Variants in GRID1 observed in about 807,000 individuals in gnomAD.
GRID1 encodes the protein glutamate receptor ionotropic, delta-1.
GRID1 carries 28 observed loss-of-function variants against 98.0 expected under a neutral mutation model. That is an observed-to-expected ratio of 0.29 (90% CI 0.21 to 0.39). The LOEUF is 0.39. Ranked by LOEUF, GRID1 falls within the 10% of genes least tolerant of loss-of-function variation. The pLI, the probability that GRID1 is intolerant of heterozygous loss-of-function variation, is 1.00. For synonymous variants in GRID1, 553 were observed against 538.5 expected (o/e 1.03, Z -0.37); for missense variants, 1,111 against 1,340.5 (o/e 0.83, Z 2.67).
chr10:86,199,732 C>A (rs1589407881), intron 3 of GRID1, among the ~76,000 whole-genome samples: 1 of 152,248 alleles, frequency 6.6e-6, no homozygotes, highest in Admixed American at 6.5e-5. Flanking sequence ...CGGGTCCTAC[C>A]TCTAGCTTAG....
chr10:85,605,924 GA>G (rs1441472637), intron 15 of GRID1: 1 of 152,230 alleles, frequency 6.6e-6, no homozygotes, highest in Admixed American at 6.5e-5. Flanking sequence ...GTAAGTGAGG[GA>G]AGTCTCTGAG....
rs751866615 is a variant in GRID1, at chr10:86,007,822, T to TTTA, written c.727-91584_727-91583insTAA. Among the ~76,000 whole-genome samples, 1,434 of 148,852 alleles carry TTTA rather than the reference T, an allele frequency of 9.6e-3. 16 individuals carry two copies. The highest frequency in any genetic ancestry group is 0.024 in the South Asian group (111 of 4,698). On this transcript the variant is annotated intron_variant, in intron 4 of 15. Transcript: ENST00000327946. ...TTTGTTTTTTTTGTTTTTTGTGTTTTTTTATTTATTTATTTATTTATTTAT... is the reference window on the plus strand; with the variant it reads ...TTTGTTTTTTTTGTTTTTTGTGTTTTTTATTTATTTATTTATTTATTTATTTAT...
At chr10:86,246,712 C>A (rs1564717747) in intron 2 of GRID1, among the ~76,000 whole-genome samples, 1 of 152,172 alleles carries the variant, frequency 6.6e-6, no homozygotes, top group Admixed American at 6.5e-5. Flanking sequence ...TCCTGACAAC[C>A]CTGCCACCCA....
At chr10:85,705,396 A>T (rs1256505810) in intron 12 of GRID1, among the ~76,000 whole-genome samples, 3 of 152,344 alleles carry the variant, frequency 2.0e-5, no homozygotes, top group East Asian at 1.9e-4. Context: ...CACTCTCCCA[A>T]GACTAAACCA....
chr10:85,945,665 C>CA (rs1366824259), intron 4 of GRID1, among the ~76,000 whole-genome samples: 1 of 152,198 alleles, frequency 6.6e-6, no homozygotes, highest in Non-Finnish European at 1.5e-5. Context: ...AAAGTTCCTA[C>CA]ACATGGGCTA....
At chr10:85,865,906 T>C in intron 6 of GRID1, among the ~76,000 whole-genome samples, 1 of 76,714 alleles carries the variant, frequency 1.3e-5, no homozygotes, top group Admixed American at 1.8e-4. Context: ...GTGTTTTACA[T>C]ATATACATAT....
Position 86,288,186 on chromosome 10 carries a change from C to T in GRID1, c.235+75755G>A, listed in dbSNP as rs76056148. Among the ~76,000 whole-genome samples, 655 of 152,336 alleles carry T rather than the reference C, an allele frequency of 4.3e-3. 5 individuals carry two copies. The highest frequency in any genetic ancestry group is 0.015 in the African/African-American group (623 of 41,584). On this transcript the variant is annotated intron_variant, in intron 2 of 15. Coordinates refer to ENST00000327946, the MANE Select transcript of GRID1 (RefSeq NM_017551.3). ...CCACAAGTCAGGATCTCACTGGCCA[C>T]GAACCTGTTCACCTGCGAGAGCAGA...
chr10:86,318,329 C>T (rs905136628), intron 2 of GRID1, among the ~76,000 whole-genome samples: 5 of 152,250 alleles, frequency 3.3e-5, no homozygotes, highest in African/African-American at 1.2e-4. Flanking sequence ...CAGACCTAGT[C>T]ATGGCCACTG....
At chr10:86,118,329 G>T (rs376486709) in intron 4 of GRID1, among the ~76,000 whole-genome samples, 3 of 151,998 alleles carry the variant, frequency 2.0e-5, no homozygotes, top group Admixed American at 2.0e-4. Context: ...TTGGAGACTC[G>T]GGGGAAAGGG....
chr10:86,237,643 T>C (rs1405435960), intron 2 of GRID1, among the ~76,000 whole-genome samples: 2 of 149,132 alleles, frequency 1.3e-5, no homozygotes, highest in African/African-American at 5.0e-5. Context: ...GAGCTTGCAG[T>C]GAGCCAAGAT....
At chr10:85,920,863 C>T (rs1317328105) in intron 4 of GRID1, among the ~76,000 whole-genome samples, 1 of 152,180 alleles carries the variant, frequency 6.6e-6, no homozygotes, top group African/African-American at 2.4e-5. Flanking sequence ...TGAAGCTAGA[C>T]ACTGTGGCTG....
At chr10:85,877,875 A>T (rs1220885596) in intron 5 of GRID1, among the ~76,000 whole-genome samples, 1 of 152,220 alleles carries the variant, frequency 6.6e-6, no homozygotes, top group Non-Finnish European at 1.5e-5. Context: ...AACTTCAAAA[A>T]AAATTAGACA....
chr10:86,010,113 C>T (rs1842907794), intron 4 of GRID1, among the ~76,000 whole-genome samples: 1 of 152,204 alleles, frequency 6.6e-6, no homozygotes, highest in Non-Finnish European at 1.5e-5. Flanking sequence ...CTTTCTCCTC[C>T]AGGAAGCCAT....
chr10:86,291,812 C>T lies in GRID1; in HGVS notation c.235+72129G>A, dbSNP rs554334164. Among the ~76,000 whole-genome samples the T allele has an allele frequency of 6.6e-5, 10 of 152,328 alleles. No homozygotes were observed. In the East Asian group the frequency reaches 1.5e-3, roughly 23 times the overall value. Reference sequence around the variant, plus strand: ...CACCATGCCCTGAGCCCATGACACACGGACACAGCACAGCAAGGTCTGGGG... The same window carrying T: ...CACCATGCCCTGAGCCCATGACACATGGACACAGCACAGCAAGGTCTGGGG... On this transcript the variant is annotated intron_variant, in intron 2 of 15. Transcript: ENST00000327946.
At chr10:86,132,580 C>A (rs562940114) in intron 4 of GRID1, among the ~76,000 whole-genome samples, 26 of 152,174 alleles carry the variant, frequency 1.7e-4, no homozygotes, top group Admixed American at 4.6e-4. Context: ...GTAAATGATA[C>A]TTAAATGGCA....
chr10:85,743,512 AT>A (rs1359098233), intron 8 of GRID1, among the ~76,000 whole-genome samples: 2 of 152,164 alleles, frequency 1.3e-5, no homozygotes, highest in African/African-American at 4.8e-5. Flanking sequence ...AATATAAAAT[AT>A]GTGGAATTGG....
chr10:86,225,373 T>C (rs558647527), intron 2 of GRID1, among the ~76,000 whole-genome samples: 2 of 152,308 alleles, frequency 1.3e-5, no homozygotes, highest in South Asian at 4.1e-4. Context: ...TAAAAGGATA[T>C]AACACCAAGG....
At chr10:85,764,790 C>G (rs913753364) in intron 8 of GRID1, among the ~76,000 whole-genome samples, 4 of 152,166 alleles carry the variant, frequency 2.6e-5, no homozygotes, top group African/African-American at 9.7e-5. Context: ...ACATTGCATG[C>G]ATGTCAGCCA....
chr10:86,131,865 C>T (rs946092163), intron 4 of GRID1, among the ~76,000 whole-genome samples: 1 of 152,132 alleles, frequency 6.6e-6, no homozygotes, highest in Non-Finnish European at 1.5e-5. Flanking sequence ...GAAGTCGGTG[C>T]TCCTGGGGTC....
Sources: gnomAD v4.1 joint callset for allele counts (sites outside exome capture counted in the v4.1 genomes callset) on GRCh38, gnomAD v4.1.1 for gene constraint, MANE v1.5 for transcripts, NCBI Gene and HGNC (gene_info 2026-07-23, HGNC 2026-07-21) for gene names.